Variants in QSOX1 observed in about 807,000 individuals in gnomAD.
QSOX1 encodes the protein quiescin sulfhydryl oxidase 1, also known as sulfhydryl oxidase 1.
A neutral mutation model predicts 76.1 loss-of-function variants in QSOX1; 40 were observed. That is an observed-to-expected ratio of 0.53 (90% CI 0.41 to 0.68). QSOX1 has a LOEUF of 0.68. Ranked by LOEUF, QSOX1 falls within the 30% of genes least tolerant of loss-of-function variation. QSOX1 has a pLI of 0.00. For synonymous variants in QSOX1, 392 were observed against 413.1 expected (o/e 0.95, Z 0.62); for missense variants, 931 against 974.3 (o/e 0.96, Z 0.59).
chr1:180,178,664 C>T, intron 4 of QSOX1, 130 bp from the exon 5 acceptor site: 1 of 767,718 alleles, frequency 1.3e-6, no homozygotes, highest in Non-Finnish European at 2.3e-6. Flanking sequence ...CTTGGAGGGC[C>T]CTGTGTGGAA....
intron 1 of QSOX1, among the ~76,000 whole-genome samples, chr1:180,161,596 G>A (rs952906864): frequency 6.6e-6 from 1 of 152,192 alleles, no homozygotes; most frequent in Non-Finnish European, 1.5e-5. Flanking sequence ...GTCTTGTAGG[G>A]AGAAAATGTT....
In QSOX1 at chr1:180,178,856, A is replaced by G; in HGVS notation, c.578A>G (p.Glu193Gly). 1 of 1,613,810 alleles carries G rather than the reference A, an allele frequency of 6.2e-7. No individual in the cohort carries two copies. The highest frequency in any genetic ancestry group is 1.1e-5 in the South Asian group (1 of 91,078). Reference protein sequence around the residue: ...NNEEYLALIFEKGGSYLGREV... With the variant: ...NNEEYLALIFGKGGSYLGREV... ...GAAGAGTACCTGGCTCTGATCTTTG[A>G]AAAGGGAGGCTCCTACCTGGGTAGA... Residue 193 changes from glutamate (E) to glycine (G), a missense_variant, in exon 5 of 12, where the codon GAA becomes GGA. Transcript: ENST00000367602.
rs1450063787 is a variant in QSOX1, at chr1:180,182,261, A to G, written c.694A>G (p.Thr232Ala). The change falls in exon 6 of 12, where the codon ACC becomes GCC. Residue 232 changes from threonine (T) to alanine (A), a missense_variant. Thr to Ala is a moderately conservative substitution (Grantham distance 58). Transcript: ENST00000367602. ...EANVVRKFGV[T>A]DFPSCYLLFR... ...CAATGTGGTGAGAAAGTTTGGTGTCACCGACTTCCCCTCTTGCTACCTGCT... is the reference window on the plus strand; with the variant it reads ...CAATGTGGTGAGAAAGTTTGGTGTCGCCGACTTCCCCTCTTGCTACCTGCT... 1.2e-6 allele frequency: 2 copies of G among 1,614,106 alleles called. No individual in the cohort carries two copies. The highest frequency in any genetic ancestry group is 1.7e-6 in the Non-Finnish European group (2 of 1,180,044).
At chr1:180,186,005 A>G in intron 7 of QSOX1, 48 bp from the exon 8 acceptor site, 1 of 1,601,238 alleles carries the variant, frequency 6.2e-7, no homozygotes, top group Non-Finnish European at 8.6e-7. Flanking sequence ...CAGCCCCTGC[A>G]CCATGGTTAA....
At chr1:180,164,384 T>C (rs1030650703) in intron 1 of QSOX1, among the ~76,000 whole-genome samples, 2 of 152,210 alleles carry the variant, frequency 1.3e-5, no homozygotes, top group African/African-American at 4.8e-5. Flanking sequence ...CGTCTGACTC[T>C]GGTAAATACC....
chr1:180,180,806 C>T (rs764050725), intron 5 of QSOX1, among the ~76,000 whole-genome samples: 10 of 152,216 alleles, frequency 6.6e-5, no homozygotes, highest in Admixed American at 5.2e-4. Flanking sequence ...TGAGCCACCA[C>T]GCCCGGCCTG....
chr1:180,161,389 G>C (rs1048386053), intron 1 of QSOX1, among the ~76,000 whole-genome samples: 1 of 152,122 alleles, frequency 6.6e-6, no homozygotes, highest in African/African-American at 2.4e-5. Context: ...CCCAACTTCA[G>C]ATTTCACCTG....
At chr1:180,163,621 G>A (rs1350594473) in intron 1 of QSOX1, among the ~76,000 whole-genome samples, 2 of 152,158 alleles carry the variant, frequency 1.3e-5, no homozygotes, top group African/African-American at 4.8e-5. Context: ...AGCAATTAAT[G>A]TTTCAGTATT....
chr1:180,178,475 G>C (rs1464407478), intron 4 of QSOX1, among the ~76,000 whole-genome samples: 1 of 152,190 alleles, frequency 6.6e-6, no homozygotes, highest in South Asian at 2.1e-4. Context: ...TGATCCACCC[G>C]CCTCAGCCTC....
chr1:180,188,324 A>T (rs1426545397), intron 8 of QSOX1, among the ~76,000 whole-genome samples: 1 of 152,204 alleles, frequency 6.6e-6, no homozygotes, highest in Non-Finnish European at 1.5e-5. Context: ...GGCCTCTCCC[A>T]GCCTGTGCTC....
At chr1:180,166,422 T>G in intron 1 of QSOX1, 69 bp from the exon 2 acceptor site, 1 of 1,287,624 alleles carries the variant, frequency 7.8e-7, no homozygotes, top group Non-Finnish European at 1.1e-6. Context: ...GGCATTGCAT[T>G]AGGGGAGATG....
chr1:180,167,036 A>G (rs1050505287), intron 2 of QSOX1, among the ~76,000 whole-genome samples: 1 of 152,224 alleles, frequency 6.6e-6, no homozygotes, highest in Non-Finnish European at 1.5e-5. Context: ...CACGGGAGTT[A>G]TCACACCCAA....
Position 180,175,993 on chromosome 1 carries a change from G to C in QSOX1, c.475G>C (p.Asp159His). Reference protein sequence around the residue: ...RLIDALESHHDTWPPACPPLE... With the variant: ...RLIDALESHHHTWPPACPPLE... ...CATTGACGCCCTGGAGTCCCATCAT[G>C]ACACGTGGCCCCCAGCCTGTCCCCC... The change falls in exon 4 of 12, where the codon GAC becomes CAC. Residue 159 changes from aspartate (D) to histidine (H), a missense_variant. By Grantham distance (81) the Asp-to-His change is moderately conservative (BLOSUM62 -1). Coordinates refer to ENST00000367602, the MANE Select transcript of QSOX1 (RefSeq NM_002826.5). 6.2e-7 allele frequency: 1 copy of C among 1,602,354 alleles called. No individual in the cohort carries two copies. Among genetic ancestry groups the C allele is most frequent in the South Asian group, 1.1e-5 (1 of 88,694 alleles).
chr1:180,195,506 G>A (rs542758294), intron 11 of QSOX1, among the ~76,000 whole-genome samples: 2 of 152,322 alleles, frequency 1.3e-5, no homozygotes, highest in East Asian at 3.9e-4. Flanking sequence ...TCTACAGAAG[G>A]GATGGGCTGA....
In QSOX1 at chr1:180,189,601, A is replaced by C; in HGVS notation, c.1067A>C (p.Glu356Ala). The C allele has an allele frequency of 1.2e-6, 2 of 1,613,632 alleles. No individual in the cohort carries two copies. The highest frequency in any genetic ancestry group is 1.7e-6 in the Non-Finnish European group (2 of 1,179,676). Residue 356 changes from glutamate (E) to alanine (A), a missense_variant, in exon 9 of 12, where the codon GAA becomes GCA. Transcript: ENST00000367602. Reference protein sequence around the residue: ...LVQNFLHSVNEWLKRQKRNKI... With the variant: ...LVQNFLHSVNAWLKRQKRNKI... The stretch of plus-strand genomic sequence containing the variant: ...CAGAACTTCCTGCACTCCGTGAATG[A>C]ATGGCTCAAGAGGCAGAAGAGAAAT...
chr1:180,183,060 C>T (rs548944788), intron 6 of QSOX1, among the ~76,000 whole-genome samples: 244 of 152,292 alleles, frequency 1.6e-3, no homozygotes, highest in Middle Eastern at 0.01. Flanking sequence ...GGGAGGCACT[C>T]GCTTTCCGGG....
rs372218099 is a variant in QSOX1 at position 180,182,164 on chromosome 1, G to T, written c.607-10G>T. On this transcript the variant is annotated splice_polypyrimidine_tract_variant and intron_variant, in intron 5 of 11. Coordinates refer to ENST00000367602, the MANE Select transcript of QSOX1 (RefSeq NM_002826.5). Reference sequence around the variant, plus strand: ...TGGCCTGGCCCCCAGATGTTCTGCTGTCCCTGCAGGTGGCTCTGGACCTGT... The same window carrying T: ...TGGCCTGGCCCCCAGATGTTCTGCTTTCCCTGCAGGTGGCTCTGGACCTGT... 3 of 1,613,448 alleles carry T rather than the reference G, an allele frequency of 1.9e-6. No homozygotes were observed. In the African/African-American group the frequency reaches 4.0e-5, roughly 22 times the overall value.
At chr1:180,172,770 C>T (rs1662793528) in intron 2 of QSOX1, among the ~76,000 whole-genome samples, 1 of 152,188 alleles carries the variant, frequency 6.6e-6, no homozygotes, top group South Asian at 2.1e-4. Context: ...CCGCCCACCT[C>T]GGCCTCCCAA....
chr1:180,156,981 A>T (rs750014401), intron 1 of QSOX1, among the ~76,000 whole-genome samples: 37 of 152,290 alleles, frequency 2.4e-4, no homozygotes, highest in Middle Eastern at 3.4e-3. Flanking sequence ...CAGCTGACTC[A>T]CATGTTTGGC....
Sources: gnomAD v4.1 joint callset for allele counts (sites outside exome capture counted in the v4.1 genomes callset) on GRCh38, gnomAD v4.1.1 for gene constraint, MANE v1.5 for transcripts, NCBI Gene and HGNC (gene_info 2026-07-23, HGNC 2026-07-21) for gene names.